The following DCBLD2 variants were observed in gnomAD, a reference collection of about 807,000 sequenced individuals.
The protein encoded by DCBLD2 is discoidin, CUB and LCCL domain-containing protein 2.
In DCBLD2, 54 loss-of-function variants were observed where a neutral mutation model predicts 86.8. That is an observed-to-expected ratio of 0.62 (90% CI 0.50 to 0.78). The LOEUF (loss-of-function observed/expected upper bound fraction) is 0.78, where lower values mean the gene tolerates loss of function less well. Among genes scored for constraint, DCBLD2 ranks in the 30% least tolerant of loss-of-function variants. DCBLD2 has a pLI of 0.00. For synonymous variants in DCBLD2, 354 were observed against 341.3 expected, an observed-to-expected ratio of 1.04 and a Z score of -0.41; for missense variants, 908 against 954.2, an observed-to-expected ratio of 0.95 and a Z score of 0.64.
intron 9 of DCBLD2, chr3:98,816,254 A>C (rs557700383): frequency 6.6e-5 from 10 of 151,752 alleles, no homozygotes; most frequent in East Asian, 1.9e-4. Context: ...AAAAAAAAAA[A>C]AACCAAAAAA....
intron 2 of DCBLD2, among the ~76,000 whole-genome samples, chr3:98,866,890 G>GT (rs1299502924): frequency 1.3e-5 from 2 of 152,188 alleles, no homozygotes; most frequent in Non-Finnish European, 2.9e-5. Flanking sequence ...TGCATAAGGT[G>GT]TAAGGAAGGG....
chr3:98,896,213 T>C (rs1943747916), intron 1 of DCBLD2, among the ~76,000 whole-genome samples: 1 of 152,246 alleles, frequency 6.6e-6, no homozygotes, highest in African/African-American at 2.4e-5. Flanking sequence ...CAGTGGGTAC[T>C]GCACTGGCAC....
chr3:98,820,126 C>A, intron 7 of DCBLD2, 122 bp downstream of exon 7: 1 of 505,980 alleles, frequency 2.0e-6, no homozygotes, highest in Non-Finnish European at 3.2e-6. Context: ...ACTATCTTAC[C>A]TCATAGTGTT....
Position 98,799,724 on chromosome 3 carries a change from C to G in DCBLD2, c.1976G>C (p.Gly659Ala), listed in dbSNP as rs369665355. ...YADLDPYNSP[G>A]QEVYHAYAEP... ...AGCATAGGCATGATAAACTTCCTGC[C>G]CTGGTGAGTTGTAAGGATCTAGGTC... The change falls in exon 16 of 16, where the codon GGG becomes GCG. Residue 659 changes from glycine (G) to alanine (A), a missense_variant. By Grantham distance (60) the Gly-to-Ala change is moderately conservative (BLOSUM62 0). This residue lies in a region of DCBLD2 where 606 missense variants were observed against 678.5 expected (regional missense o/e 0.89). Coordinates refer to ENST00000326840, the MANE Select transcript of DCBLD2 (RefSeq NM_080927.4). The G allele has an allele frequency of 5.6e-6, 9 of 1,613,838 alleles. No individual in the cohort carries two copies. The highest frequency in any genetic ancestry group is 1.7e-5 in the Admixed American group (1 of 59,978).
Position 98,901,339 on chromosome 3 carries a change from C to T in DCBLD2, c.-13G>A. The T allele has an allele frequency of 1.4e-6, 2 of 1,399,146 alleles. No homozygotes were observed. Among genetic ancestry groups the T allele is most frequent in the Non-Finnish European group, 1.8e-6 (2 of 1,088,642 alleles). The allele number at this position is 1,399,146 out of a possible 1,614,324, so 86.7% of individuals were successfully genotyped here. A position where few individuals can be genotyped will look rare whatever the true frequency, so the allele number is the denominator to read the frequency against. On this transcript the variant is annotated 5_prime_UTR_variant, in exon 1 of 16. Transcript: ENST00000326840. The stretch of plus-strand genomic sequence containing the variant: ...CCCGGCTCGCCATCGCGGCGGCCGG[C>T]AGTCTGCCTGCATAGTGCGGGTGCC...
intron 2 of DCBLD2, among the ~76,000 whole-genome samples, chr3:98,871,024 GT>G (rs55792662): frequency 2.0e-4 from 29 of 146,026 alleles, no homozygotes; most frequent in South Asian, 6.5e-4. Flanking sequence ...TATTCCTAGG[GT>G]TTTTTTTTTT....
chr3:98,901,453 C>G lies in DCBLD2; in HGVS notation c.-127G>C, dbSNP rs1002074301. 1.0e-5 allele frequency: 10 copies of G among 960,864 alleles called. No homozygotes were observed. Among genetic ancestry groups the G allele is most frequent in the Non-Finnish European group, 1.2e-5 (9 of 741,762 alleles). The allele number at this position is 960,864 out of a possible 1,614,324, so 59.5% of individuals were successfully genotyped here. A position where few individuals can be genotyped will look rare whatever the true frequency, so the allele number is the denominator to read the frequency against. The stretch of plus-strand genomic sequence containing the variant: ...ACAAGAGGCAGCCCTCGCCTCACCC[C>G]GCGCCGGGACCCTTCCGCCCCTCAC... On this transcript the variant is annotated 5_prime_UTR_variant, in exon 1 of 16. Transcript: ENST00000326840.
chr3:98,808,167 C>A lies in DCBLD2; in HGVS notation c.1584G>T (p.Ala528=). The change falls in exon 13 of 16, where the codon GCG becomes GCT. Residue 528 remains alanine (A), a synonymous_variant. Coordinates refer to ENST00000326840, the MANE Select transcript of DCBLD2 (RefSeq NM_080927.4). ...GCACAGGGACAAGAACTGCAGCCAGCGCTACATCTGAAGTTACAAAGACAA... is the reference window on the plus strand; with the variant it reads ...GCACAGGGACAAGAACTGCAGCCAGAGCTACATCTGAAGTTACAAAGACAA... ...TVTPNVTKDV[A]LAAVLVPVLV... 3 of 1,596,708 alleles carry A rather than the reference C, an allele frequency of 1.9e-6. No individual in the cohort carries two copies. Among genetic ancestry groups the A allele is most frequent in the South Asian group, 1.1e-5 (1 of 87,934 alleles).
chr3:98,824,657 C>G (rs1276192240), intron 4 of DCBLD2, among the ~76,000 whole-genome samples: 1 of 152,048 alleles, frequency 6.6e-6, no homozygotes, highest in Non-Finnish European at 1.5e-5. Flanking sequence ...GTAAATAACT[C>G]AAGAGTCATT....
intron 1 of DCBLD2, among the ~76,000 whole-genome samples, chr3:98,884,251 T>G (rs957267300): frequency 1.3e-5 from 2 of 152,094 alleles, no homozygotes; most frequent in African/African-American, 4.8e-5. Context: ...TTTAGCTATC[T>G]TCTATACTTG....
chr3:98,881,860 C>T (rs1943477971), intron 1 of DCBLD2, 93 bp from the exon 2 acceptor site: 1 of 1,242,818 alleles, frequency 8.0e-7, no homozygotes. Flanking sequence ...ATATGCACGA[C>T]ATCAAATATT....
rs1576212436 is a variant in DCBLD2 at position 98,901,186 on chromosome 3, C to A, written c.141G>T (p.Met47Ile). 3.3e-6 allele frequency: 5 copies of A among 1,537,422 alleles called. No homozygotes were observed. In the African/African-American group the frequency reaches 4.1e-5, roughly 13 times the overall value. ...CAAGTAAGAGCAGGAGGAACAGAGGCATGGAGAAGGAGGAGGAGTTGGAGC... is the reference window on the plus strand; with the variant it reads ...CAAGTAAGAGCAGGAGGAACAGAGGAATGGAGAAGGAGGAGGAGTTGGAGC... ...PPCSNSSSFS[M>I]PLFLLLLLVL... The change falls in exon 1 of 16, where the codon ATG (methionine) becomes ATT (isoleucine). Residue 47 changes from methionine (M) to isoleucine (I), a missense_variant. Around this residue, in one of 3 missense-constraint regions of DCBLD2, gnomAD observed 294 missense variants for 256.0 expected, o/e 1.15. Coordinates refer to ENST00000326840, the MANE Select transcript of DCBLD2 (RefSeq NM_080927.4).
chr3:98,859,195 C>G (rs1942993793), intron 2 of DCBLD2, among the ~76,000 whole-genome samples: 1 of 152,286 alleles, frequency 6.6e-6, no homozygotes, highest in East Asian at 1.9e-4. Context: ...CCCACCATTG[C>G]TGAGGGTTGA....
At chr3:98,825,454 C>T in intron 3 of DCBLD2, 88 bp from the exon 4 acceptor site, 2 of 1,047,804 alleles carry the variant, frequency 1.9e-6, no homozygotes, top group Non-Finnish European at 2.7e-6. Flanking sequence ...CCAAACTGTA[C>T]TACTCTAATT....
At position 98,799,130 on chromosome 3, in the gene DCBLD2, T is replaced by TA; in HGVS notation, c.*241dup. On this transcript the variant is annotated 3_prime_UTR_variant, in exon 16 of 16. Transcript: ENST00000326840. ...TAGGGAGCTTTTTCTGTATTAAAAA[T>TA]AGTGTTCTACAGTAGTATCAAACAG... The TA allele has an allele frequency of 2.5e-6, 1 of 394,660 alleles. No homozygotes were observed. The highest frequency in any genetic ancestry group is 4.5e-6 in the Non-Finnish European group (1 of 220,210). 24.4% of individuals were successfully genotyped at this position (394,660 alleles called of 1,614,324 possible).
chr3:98,826,183 A>C (rs1479667635), intron 3 of DCBLD2, among the ~76,000 whole-genome samples: 1 of 152,196 alleles, frequency 6.6e-6, no homozygotes, highest in Non-Finnish European at 1.5e-5. Flanking sequence ...AGCAAAAAAA[A>C]CAAAACAAAA....
intron 2 of DCBLD2, among the ~76,000 whole-genome samples, chr3:98,871,485 C>T (rs1943281604): frequency 6.6e-6 from 1 of 152,042 alleles, no homozygotes; most frequent in Admixed American, 6.6e-5. Context: ...GGAGTTTTAT[C>T]ATGAAGGGAT....
intron 3 of DCBLD2, among the ~76,000 whole-genome samples, chr3:98,849,217 TA>T (rs201619950): frequency 2.6e-5 from 4 of 151,660 alleles, no homozygotes; most frequent in Non-Finnish European, 4.4e-5. Flanking sequence ...CTTATAAAAA[TA>T]AAAAAAATCA....
In DCBLD2 at chr3:98,887,766, C is replaced by A. The variant is rs1476482374; in HGVS notation, c.206-5999G>T. Among the ~76,000 whole-genome samples the A allele has an allele frequency of 4.6e-5, 7 of 152,018 alleles. No homozygotes were observed. In the East Asian group the frequency reaches 1.4e-3, roughly 29 times the overall value. On this transcript the variant is annotated intron_variant, in intron 1 of 15. Coordinates refer to ENST00000326840, the MANE Select transcript of DCBLD2 (RefSeq NM_080927.4). ...ATCCCTTGCCCCTACACTTGCATAGCCTCCTTCATTATTAACATTCCTGAC... is the reference window on the plus strand; with the variant it reads ...ATCCCTTGCCCCTACACTTGCATAGACTCCTTCATTATTAACATTCCTGAC...
Sources: gnomAD v4.1 joint callset for allele counts (sites outside exome capture counted in the v4.1 genomes callset) on GRCh38, gnomAD v4.1.1 for gene constraint, gnomAD v4.1.1 regional missense constraint, MANE v1.5 for transcripts, NCBI Gene and HGNC (gene_info 2026-07-23, HGNC 2026-07-21) for gene names.